The following CDH18 variants were observed in gnomAD, a reference collection of about 807,000 sequenced individuals.
The protein encoded by CDH18 is cadherin 18, also known as cadherin-18.
CDH18 carries 31 observed loss-of-function variants against 67.9 expected under a neutral mutation model. The observed-to-expected ratio is 0.46, with a 90% CI of 0.34 to 0.62. The LOEUF is 0.62. Ranked by LOEUF, CDH18 falls within the 20% of genes least tolerant of loss-of-function variation. The pLI, the probability that CDH18 is intolerant of heterozygous loss-of-function variation, is 0.01. For synonymous variants in CDH18, 362 were observed against 347.2 expected, an observed-to-expected ratio of 1.04 and a Z score of -0.48; for missense variants, 890 against 975.5, an observed-to-expected ratio of 0.91 and a Z score of 1.17.
intron 2 of CDH18, among the ~76,000 whole-genome samples, chr5:20,009,199 GA>G (rs796454649): frequency 3.3e-5 from 5 of 152,170 alleles, no homozygotes; most frequent in African/African-American, 1.2e-4. Context: ...GCCGATGGGA[GA>G]AAATGATTCT....
intron 2 of CDH18, among the ~76,000 whole-genome samples, chr5:19,978,050 G>T (rs765711288): frequency 1.3e-5 from 2 of 151,802 alleles, no homozygotes; most frequent in East Asian, 3.9e-4. Flanking sequence ...AGGGTAATAT[G>T]TTTCTTTTGC....
chr5:20,308,425 C>T (rs923178022), intron 1 of CDH18, among the ~76,000 whole-genome samples: 1 of 151,844 alleles, frequency 6.6e-6, no homozygotes, highest in African/African-American at 2.4e-5. Flanking sequence ...TGCCTGTACT[C>T]CCAGCTACTT....
intron 2 of CDH18, among the ~76,000 whole-genome samples, chr5:20,188,207 T>C (rs1738253283): frequency 6.6e-6 from 1 of 152,038 alleles, no homozygotes; most frequent in Admixed American, 6.6e-5. Context: ...TAATTATTTT[T>C]GGTTAAAGAG....
At chr5:19,867,864 T>C (rs1785745912) in intron 2 of CDH18, among the ~76,000 whole-genome samples, 1 of 152,120 alleles carries the variant, frequency 6.6e-6, no homozygotes, top group Non-Finnish European at 1.5e-5. Flanking sequence ...AATCCCTACA[T>C]GTTGTGGGAG....
In CDH18 at chr5:19,591,134, T is replaced by G. The variant is rs755663944; in HGVS notation, c.922A>C (p.Ile308Leu). The G allele has an allele frequency of 5.0e-6, 8 of 1,612,244 alleles. No individual in the cohort carries two copies. In the African/African-American group the frequency reaches 8.0e-5, roughly 16 times the overall value. Residue 308 changes from isoleucine (I) to leucine (L), a missense_variant, in exon 7 of 13, where the codon ATA (isoleucine) becomes CTA (leucine). Ile to Leu is a conservative substitution (Grantham distance 5). This residue lies in a region of CDH18 where 656 missense variants were observed against 668.1 expected (regional missense o/e 0.98). Transcript: ENST00000382275. ...GSNADMTYSI[I>L]NGDGMGIFSI... ...AATATTCCCATGCCATCACCATTTA[T>G]GATGGAGTAGGTCATGTCAGCATTT...
intron 3 of CDH18, among the ~76,000 whole-genome samples, chr5:19,808,328 AC>A (rs201808963): frequency 0.025 from 3,631 of 147,220 alleles, 87 homozygotes; most frequent in Admixed American, 0.071. Context: ...CAAAAAAAAA[AC>A]AAAAATAAAA....
chr5:20,033,607 T>C (rs541844512), intron 2 of CDH18, among the ~76,000 whole-genome samples: 4 of 152,224 alleles, frequency 2.6e-5, no homozygotes, highest in South Asian at 2.1e-4. Context: ...AAATCTCTTA[T>C]TGAAGAATAG....
intron 5 of CDH18, among the ~76,000 whole-genome samples, chr5:19,675,385 C>T (rs755650882): frequency 1.6e-4 from 24 of 151,942 alleles, no homozygotes; most frequent in African/African-American, 5.1e-4. Context: ...TACTGGAGAC[C>T]GGGGCTTATT....
intron 2 of CDH18, among the ~76,000 whole-genome samples, chr5:19,898,538 G>GT (rs923482975): frequency 8.6e-5 from 13 of 151,496 alleles, no homozygotes; most frequent in East Asian, 5.8e-4. Flanking sequence ...TAAAGGGTTA[G>GT]TTTTTTTTAA....
chr5:20,478,354 G>T, intron 1 of CDH18, among the ~76,000 whole-genome samples: 1 of 152,166 alleles, frequency 6.6e-6, no homozygotes, highest in East Asian at 1.9e-4. Context: ...GACGCACCCT[G>T]GGCCAGAGGA....
chr5:19,666,318 G>C (rs1757944763), intron 5 of CDH18, among the ~76,000 whole-genome samples: 1 of 149,542 alleles, frequency 6.7e-6, no homozygotes, highest in Admixed American at 6.7e-5. Context: ...AGGTATCCCA[G>C]GCTGGTCTTG....
intron 2 of CDH18, among the ~76,000 whole-genome samples, chr5:20,116,287 A>T (rs1747904378): frequency 6.6e-6 from 1 of 152,016 alleles, no homozygotes; most frequent in Non-Finnish European, 1.5e-5. Flanking sequence ...AGGCAGGTGG[A>T]TCACCTGAGG....
intron 2 of CDH18, among the ~76,000 whole-genome samples, chr5:19,996,063 T>C (rs1735989869): frequency 6.6e-6 from 1 of 152,124 alleles, no homozygotes; most frequent in Non-Finnish European, 1.5e-5. Context: ...AAAGGGTTAT[T>C]TTATTAATAT....
intron 1 of CDH18, among the ~76,000 whole-genome samples, chr5:20,360,972 T>C (rs1742044887): frequency 1.3e-5 from 2 of 152,084 alleles, no homozygotes; most frequent in African/African-American, 2.4e-5. Flanking sequence ...CCATAAGTGA[T>C]TTTATTTTAA....
rs969977283 is a variant in CDH18, at chr5:20,375,640, A to T, written c.-579-120135T>A. Among the ~76,000 whole-genome samples the T allele has an allele frequency of 5.3e-4, 80 of 152,268 alleles. 1 individual carries two copies. Among genetic ancestry groups the T allele is most frequent in the Middle Eastern group, 3.4e-3 (1 of 294 alleles). On this transcript the variant is annotated intron_variant, in intron 1 of 14. Transcript: ENST00000507958. ...ATCAACTTCCTGAGGTGTGACTGTC[A>T]ATTCATTTTTTTTAGGGCAAATAAC...
chr5:19,875,774 T>C (rs890625899), intron 2 of CDH18, among the ~76,000 whole-genome samples: 14 of 152,074 alleles, frequency 9.2e-5, no homozygotes, highest in Non-Finnish European at 1.9e-4. Context: ...CAATTCTTTG[T>C]ATTTTTAAAA....
chr5:20,020,371 A>G (rs999320396), intron 2 of CDH18, among the ~76,000 whole-genome samples: 16 of 152,144 alleles, frequency 1.1e-4, no homozygotes, highest in African/African-American at 3.9e-4. Flanking sequence ...CTGAACGTTA[A>G]TAGCTAAGAC....
intron 2 of CDH18, among the ~76,000 whole-genome samples, chr5:19,882,036 G>A (rs1787718520): frequency 6.6e-6 from 1 of 152,094 alleles, no homozygotes; most frequent in Non-Finnish European, 1.5e-5. Context: ...ATACAAATGT[G>A]ACTATTAAAA....
chr5:20,100,912 A>G (rs1036001263), intron 2 of CDH18, among the ~76,000 whole-genome samples: 2 of 152,152 alleles, frequency 1.3e-5, no homozygotes, highest in African/African-American at 4.8e-5. Context: ...GAATACATGT[A>G]TATTTTAATC....
Sources: allele counts gnomAD v4.1 joint callset (sites outside exome capture counted in the v4.1 genomes callset), GRCh38; gene constraint gnomAD v4.1.1; regional missense constraint gnomAD v4.1.1; transcripts MANE v1.5; gene names NCBI Gene and HGNC (gene_info 2026-07-23, HGNC 2026-07-21).